Variants in S100Z observed in about 807,000 individuals in gnomAD.
S100Z encodes protein S100-Z.
S100Z carries 11 observed loss-of-function variants against 8.5 expected under a neutral mutation model. That is an observed-to-expected ratio of 1.30 (90% CI 0.82 to 2.15). The LOEUF is 2.15. Among genes scored for constraint, S100Z ranks in the 30% most tolerant of loss-of-function variants. The pLI, the probability that S100Z is intolerant of heterozygous loss-of-function variation, is 0.00. For synonymous variants in S100Z, 34 were observed against 43.8 expected, an observed-to-expected ratio of 0.78 and a Z score of 0.89; for missense variants, 126 against 117.9, an observed-to-expected ratio of 1.07 and a Z score of -0.32.
the S100Z span, among the ~76,000 whole-genome samples, chr5:76,944,214 G>T: frequency 2.6e-5 from 4 of 152,120 alleles, no homozygotes; most frequent in South Asian, 8.3e-4. Flanking sequence ...TCATTGCCTG[G>T]TGGGTGCCAC....
In S100Z at chr5:76,875,363, C is replaced by G; in HGVS notation, c.4C>G (p.Pro2Ala). The stretch of plus-strand genomic sequence containing the variant: ...AGTGGTCAGTTCTGCTGCCGACATG[C>G]CCACCCAGCTCGAGATGGCCATGGA... M[P>A]TQLEMAMDTM... is the part of the protein sequence containing the mutation. Residue 2 changes from proline to alanine, a missense_variant, in exon 3 of 5, where the codon CCC becomes GCC. Pro to Ala is a conservative substitution (Grantham distance 27, BLOSUM62 -1). Transcript: ENST00000317593. 6.2e-7 allele frequency: 1 copy of G among 1,610,088 alleles called. No individual in the cohort carries two copies. Among genetic ancestry groups the G allele is most frequent in the East Asian group, 2.2e-5 (1 of 44,740 alleles).
In S100Z at chr5:76,875,507, C is replaced by T; in HGVS notation, c.141+7C>T. The T allele has an allele frequency of 6.2e-7, 1 of 1,600,586 alleles. No homozygotes were observed. ...GCTCACGGAATTCCTCTCGGTGAGT[C>T]AGGCCTTTGTAAATGCTGTATTCAT... On this transcript the variant is annotated splice_region_variant and intron_variant, in intron 3 of 4. Transcript: ENST00000317593.
At chr5:76,855,280 C>G (rs1481736684) in intron 1 of S100Z, among the ~76,000 whole-genome samples, 1 of 152,184 alleles carries the variant, frequency 6.6e-6, no homozygotes, top group Admixed American at 6.5e-5. Flanking sequence ...CCTCCAGACC[C>G]CAGAATGGTA....
chr5:76,868,940 A>G (rs996720738), intron 1 of S100Z, among the ~76,000 whole-genome samples: 1 of 152,136 alleles, frequency 6.6e-6, no homozygotes, highest in Non-Finnish European at 1.5e-5. Context: ...CTTTATATTC[A>G]TTGACATGAC....
the S100Z span, among the ~76,000 whole-genome samples, chr5:76,932,954 C>T: frequency 6.6e-6 from 1 of 152,180 alleles, no homozygotes; most frequent in African/African-American, 2.4e-5. Flanking sequence ...ATTATATTTG[C>T]TTCATCAATG....
the S100Z span, among the ~76,000 whole-genome samples, chr5:76,928,966 T>A: frequency 6.6e-6 from 1 of 152,214 alleles, no homozygotes; most frequent in Non-Finnish European, 1.5e-5. Flanking sequence ...GGTCTCGAAC[T>A]CCGGGGCTCT....
chr5:76,948,622 G>A, the S100Z span, among the ~76,000 whole-genome samples: 3 of 152,006 alleles, frequency 2.0e-5, no homozygotes, highest in Non-Finnish European at 2.9e-5. Context: ...TCAAATCCAC[G>A]ACGAGACATC....
chr5:76,924,753 T>C (rs1745105817), downstream of S100Z, among the ~76,000 whole-genome samples: 1 of 151,840 alleles, frequency 6.6e-6, no homozygotes. Context: ...CTACTAAAAA[T>C]ACAAAAATTA....
chr5:76,883,791 G>C (rs1312859990), intron 4 of S100Z, among the ~76,000 whole-genome samples: 2 of 152,226 alleles, frequency 1.3e-5, no homozygotes, highest in Non-Finnish European at 2.9e-5. Flanking sequence ...TGGCTTAGGA[G>C]GAGTCCCAGG....
intron 4 of S100Z, among the ~76,000 whole-genome samples, chr5:76,909,163 G>A (rs1253980336): frequency 1.3e-5 from 2 of 152,112 alleles, no homozygotes; most frequent in Non-Finnish European, 2.9e-5. Flanking sequence ...TCCAGGGACC[G>A]TTACGGGTTC....
the S100Z span, among the ~76,000 whole-genome samples, chr5:76,947,941 A>T: frequency 1.3e-5 from 2 of 152,194 alleles, no homozygotes; most frequent in African/African-American, 4.8e-5. Context: ...GCATCATGAC[A>T]TTGGTCTTGG....
intron 4 of S100Z, among the ~76,000 whole-genome samples, chr5:76,881,647 G>C (rs1464130989): frequency 6.6e-6 from 1 of 152,208 alleles, no homozygotes; most frequent in Non-Finnish European, 1.5e-5. Flanking sequence ...AGACTAGAAT[G>C]GGCTTGTGAG....
the S100Z span, among the ~76,000 whole-genome samples, chr5:76,947,707 C>G: frequency 6.6e-6 from 1 of 152,108 alleles, no homozygotes; most frequent in South Asian, 2.1e-4. Flanking sequence ...AGAAATAAAT[C>G]CACACATATA....
At chr5:76,889,298 G>A (rs559212426) in intron 4 of S100Z, among the ~76,000 whole-genome samples, 1 of 151,938 alleles carries the variant, frequency 6.6e-6, no homozygotes, top group African/African-American at 2.4e-5. Flanking sequence ...CTAATTCAAC[G>A]TAAGACAAGA....
chr5:76,933,153 A>G, the S100Z span, among the ~76,000 whole-genome samples: 1 of 152,232 alleles, frequency 6.6e-6, no homozygotes, highest in African/African-American at 2.4e-5. Flanking sequence ...AGAGAGAAAG[A>G]GGAAGGGGTG....
the S100Z span, among the ~76,000 whole-genome samples, chr5:76,950,413 GC>G: frequency 2.6e-5 from 4 of 152,278 alleles, no homozygotes; most frequent in Admixed American, 2.6e-4. Context: ...TTCTGCACCT[GC>G]CCCCATGTCC....
At chr5:76,907,745 A>T (rs1248266176) in intron 4 of S100Z, among the ~76,000 whole-genome samples, 1 of 152,180 alleles carries the variant, frequency 6.6e-6, no homozygotes, top group Non-Finnish European at 1.5e-5. Context: ...CAAACATTAA[A>T]TTCAATATTT....
intron 1 of S100Z, among the ~76,000 whole-genome samples, chr5:76,857,108 A>G (rs969599276): frequency 2.0e-5 from 3 of 152,134 alleles, no homozygotes; most frequent in African/African-American, 7.2e-5. Flanking sequence ...CCCGGCCAAC[A>G]TGGTGAAACC....
intron 2 of S100Z, among the ~76,000 whole-genome samples, chr5:76,871,968 G>A (rs1289033904): frequency 6.6e-6 from 1 of 152,320 alleles, no homozygotes; most frequent in Non-Finnish European, 1.5e-5. Flanking sequence ...CAGGTACAGT[G>A]GCTCATGCCC....
Sources: allele counts gnomAD v4.1 joint callset (sites outside exome capture counted in the v4.1 genomes callset), GRCh38; gene constraint gnomAD v4.1.1; transcripts MANE v1.5; gene names NCBI Gene and HGNC (gene_info 2026-07-23, HGNC 2026-07-21).